RP1: variants seen among roughly 807,000 people sequenced by gnomAD.
The protein encoded by RP1 is oxygen-regulated protein 1.
Under a neutral mutation model 14.8 loss-of-function variants are expected in RP1, and 16 were observed. The observed-to-expected ratio is 1.08, with a 90% CI of 0.73 to 1.65. The LOEUF (loss-of-function observed/expected upper bound fraction) is 1.65. RP1 is among the 40% of genes most tolerant of loss of function. RP1 has a pLI of 0.00. For synonymous variants in RP1, 876 were observed against 883.6 expected (o/e 0.99, Z 0.15); for missense variants, 2,631 against 2,535.0 (o/e 1.04, Z -0.81).
chr8:54,859,513 G>A (rs1812291215), intron 27 of RP1, among the ~76,000 whole-genome samples: 1 of 150,308 alleles, frequency 6.7e-6, no homozygotes, highest in African/African-American at 2.5e-5. Context: ...CAGTATAGGA[G>A]GAATCACTGT....
chr8:54,606,604 G>C (rs192517675), intron 1 of RP1, among the ~76,000 whole-genome samples: 1 of 152,208 alleles, frequency 6.6e-6, no homozygotes, highest in Non-Finnish European at 1.5e-5. Flanking sequence ...TGCTAGATTG[G>C]GGAAGTTCTC....
At chr8:54,826,444 A>G (rs1278514495) in intron 24 of RP1, among the ~76,000 whole-genome samples, 7 of 152,236 alleles carry the variant, frequency 4.6e-5, no homozygotes, top group Admixed American at 3.3e-4. Flanking sequence ...AGCTTTGCCT[A>G]CTGTGGAGTT....
chr8:54,573,726 T>G (rs1804582049), intron 1 of RP1, among the ~76,000 whole-genome samples: 1 of 152,144 alleles, frequency 6.6e-6, no homozygotes, highest in South Asian at 2.1e-4. Context: ...ATCCCAACAT[T>G]TTATAGAATG....
chr8:54,655,967 A>G (rs1301941520), intron 5 of RP1: 14 of 645,032 alleles, frequency 2.2e-5, no homozygotes, highest in Middle Eastern at 4.2e-4. Flanking sequence ...AATTATCAAC[A>G]GTTTCTCATA....
chr8:54,783,818 A>G (rs1048514144), intron 24 of RP1: 2 of 722,100 alleles, frequency 2.8e-6, no homozygotes, highest in South Asian at 1.5e-4. Context: ...TTGCATTTGC[A>G]TTAAATTTGC....
chr8:54,598,891 C>G (rs1805208531), intron 1 of RP1, among the ~76,000 whole-genome samples: 1 of 152,178 alleles, frequency 6.6e-6, no homozygotes, highest in African/African-American at 2.4e-5. Context: ...TGGTTCCTTT[C>G]AAAATTATTT....
At chr8:54,687,844 G>A (rs1807605431) in intron 12 of RP1, among the ~76,000 whole-genome samples, 2 of 152,126 alleles carry the variant, frequency 1.3e-5, no homozygotes, top group South Asian at 4.1e-4. Flanking sequence ...GATTTGCTGG[G>A]TCAAATGGTA....
At chr8:54,757,612 C>T (rs558463774) in intron 21 of RP1, among the ~76,000 whole-genome samples, 4 of 152,326 alleles carry the variant, frequency 2.6e-5, no homozygotes, top group South Asian at 2.1e-4. Flanking sequence ...AAACATCTCT[C>T]AGATTTGTCC....
intron 17 of RP1, among the ~76,000 whole-genome samples, chr8:54,731,301 G>T (rs1004134931): frequency 6.6e-6 from 1 of 152,062 alleles, no homozygotes; most frequent in Non-Finnish European, 1.5e-5. Flanking sequence ...CCCTCACAGG[G>T]CATGTTTTTG....
intron 1 of RP1, among the ~76,000 whole-genome samples, chr8:54,572,265 T>C (rs573119805): frequency 3.9e-5 from 6 of 152,390 alleles, no homozygotes; most frequent in Non-Finnish European, 5.9e-5. Flanking sequence ...GTGTTTCAGC[T>C]GACCGGCATC....
At chr8:54,741,439 A>G (rs1809082252) in intron 19 of RP1, among the ~76,000 whole-genome samples, 1 of 151,932 alleles carries the variant, frequency 6.6e-6, no homozygotes, top group Non-Finnish European at 1.5e-5. Context: ...AATACTTACC[A>G]TTGTGTTACA....
rs1426063067 is a variant in RP1 at position 54,629,256 on chromosome 8, G to C, written c.5374G>C (p.Ala1792Pro). Residue 1792 changes from alanine (A) to proline (P), a missense_variant, in exon 4 of 4, where the codon GCC becomes CCC. Physicochemically the swap from Ala to Pro is conservative, Grantham distance 27. Transcript: ENST00000220676. ...ACCATATTCACATTTTGGTAATTTG[G>C]CCCCAGGCCCAACGATGGATGAACT... is the stretch of plus-strand genomic sequence containing the variant. ...EVPYSHFGNL[A>P]PGPTMDELSS... The C allele has an allele frequency of 1.2e-6, 2 of 1,613,740 alleles. No homozygotes were observed. The highest frequency in any genetic ancestry group is 2.2e-5 in the East Asian group (1 of 44,858).
chr8:54,600,037 G>C (rs1433741237), intron 1 of RP1, among the ~76,000 whole-genome samples: 2 of 152,098 alleles, frequency 1.3e-5, no homozygotes, highest in African/African-American at 4.8e-5. Context: ...GGGACTTCAG[G>C]CTTTGATATG....
chr8:54,754,706 C>T, intron 19 of RP1: 1 of 1,228,688 alleles, frequency 8.1e-7, no homozygotes, highest in Non-Finnish European at 1.1e-6. Context: ...TCAGAGTATG[C>T]AGTACACTTT....
chr8:54,614,800 C>T (rs1407256224), upstream of RP1, among the ~76,000 whole-genome samples: 1 of 152,020 alleles, frequency 6.6e-6, no homozygotes, highest in Non-Finnish European at 1.5e-5. Context: ...TGGCCCTGGC[C>T]CACCTTTGAT....
At chr8:54,774,497 A>G (rs1244662552), downstream of RP1, among the ~76,000 whole-genome samples, 1 of 152,230 alleles carries the variant, frequency 6.6e-6, no homozygotes, top group Non-Finnish European at 1.5e-5. Flanking sequence ...AGCAGAGGCC[A>G]GATGTTGCTG....
At chr8:54,604,533 C>G (rs1048981557) in intron 1 of RP1, among the ~76,000 whole-genome samples, 9 of 152,176 alleles carry the variant, frequency 5.9e-5, no homozygotes, top group Non-Finnish European at 1.2e-4. Flanking sequence ...GCTTTGGTAT[C>G]AGGATGATGC....
At chr8:54,582,982 A>G (rs1177917242) in intron 1 of RP1, among the ~76,000 whole-genome samples, 2 of 152,048 alleles carry the variant, frequency 1.3e-5, no homozygotes, top group African/African-American at 2.4e-5. Flanking sequence ...CTACTTGAAT[A>G]CCCTTTATTT....
At chr8:54,663,942 A>T in intron 7 of RP1, 2 of 1,229,414 alleles carry the variant, frequency 1.6e-6, no homozygotes, top group Non-Finnish European at 2.1e-6. Flanking sequence ...AAGAGTTTTT[A>T]ATTTCACAGT....
Sources: allele counts gnomAD v4.1 joint callset (sites outside exome capture counted in the v4.1 genomes callset), GRCh38; gene constraint gnomAD v4.1.1; transcripts MANE v1.5; gene names NCBI Gene and HGNC (gene_info 2026-07-23, HGNC 2026-07-21).